The following DENND5B variants were observed in gnomAD, a reference collection of about 807,000 sequenced individuals.
DENND5B encodes the protein DENN domain containing 5B, also known as DENN domain-containing protein 5B.
A neutral mutation model predicts 140.6 loss-of-function variants in DENND5B; 34 were observed. The ratio of observed to expected loss-of-function variants is 0.24; its 90% confidence interval spans 0.18 to 0.32. The LOEUF (loss-of-function observed/expected upper bound fraction) is 0.32, where lower values mean the gene tolerates loss of function less well. Among genes scored for constraint, DENND5B ranks in the 10% least tolerant of loss-of-function variants. The pLI, the probability that DENND5B is intolerant of heterozygous loss-of-function variation, is 1.00. For synonymous variants in DENND5B, 551 were observed against 562.1 expected (o/e 0.98, Z 0.28); for missense variants, 1,142 against 1,560.2 (o/e 0.73, Z 4.52).
intron 3 of DENND5B, among the ~76,000 whole-genome samples, chr12:31,462,324 A>G (rs1945055192): frequency 7.7e-6 from 1 of 129,172 alleles, no homozygotes; most frequent in African/African-American, 2.9e-5. Flanking sequence ...TTTGAACTGT[A>G]GGCAATATGG....
chr12:31,500,395 C>T (rs1332078132), intron 1 of DENND5B: 4 of 453,610 alleles, frequency 8.8e-6, no homozygotes, highest in African/African-American at 6.0e-5. Context: ...AAAATTACAT[C>T]CTGGCTGGGC....
Position 31,452,276 on chromosome 12 carries a change from G to C in DENND5B, c.1293C>G (p.Asp431Glu). Residue 431 changes from aspartate to glutamate, a missense_variant, in exon 5 of 21, where the codon GAC becomes GAG. Asp to Glu is a conservative substitution (Grantham distance 45). Around this residue, in one of 5 missense-constraint regions of DENND5B, gnomAD observed 708 missense variants for 905.5 expected, o/e 0.78. Transcript: ENST00000389082. ...KNMVLKDLVN[D>E]KKNGNVCTNN... is the part of the protein sequence containing the mutation. ...TAGTACAGACATTGCCGTTCTTTTT[G>C]TCATTGACCAAGTCTTTCAGAACCA... The C allele has an allele frequency of 6.2e-7, 1 of 1,613,832 alleles. No homozygotes were observed. The highest frequency in any genetic ancestry group is 8.5e-7 in the Non-Finnish European group (1 of 1,179,880).
chr12:31,519,612 A>G (rs1947801725), intron 1 of DENND5B, among the ~76,000 whole-genome samples: 1 of 152,212 alleles, frequency 6.6e-6, no homozygotes, highest in Non-Finnish European at 1.5e-5. Context: ...CCTAAATGCC[A>G]CCAGATCTGT....
chr12:31,538,561 T>G (rs955445807), intron 1 of DENND5B, among the ~76,000 whole-genome samples: 1 of 151,958 alleles, frequency 6.6e-6, no homozygotes. Flanking sequence ...AACCCCAAAT[T>G]AGTAGAAGAA....
chr12:31,454,321 C>T (rs1442011380), intron 4 of DENND5B, among the ~76,000 whole-genome samples: 2 of 152,166 alleles, frequency 1.3e-5, no homozygotes, highest in East Asian at 1.9e-4. Context: ...CCTCAAACAG[C>T]CTGGTGGCTT....
intron 1 of DENND5B, among the ~76,000 whole-genome samples, chr12:31,512,700 T>C (rs1192820471): frequency 6.6e-6 from 1 of 152,188 alleles, no homozygotes; most frequent in Non-Finnish European, 1.5e-5. Flanking sequence ...CTAGATTTCA[T>C]GGTTATCTTC....
chr12:31,480,259 TGAAA>T lies in DENND5B; in HGVS notation c.238-8_238-5del. On this transcript the variant is annotated splice_region_variant and splice_polypyrimidine_tract_variant and intron_variant, in intron 2 of 20. Coordinates refer to ENST00000389082, the MANE Select transcript of DENND5B (RefSeq NM_144973.4). ...ATAGCCCTTTAGGCATGCACAACTG[TGAAA>T]GAAAGAAAAAAAAAAATCAGAATGC... 2.0e-6 allele frequency: 3 copies of T among 1,481,676 alleles called. No individual in the cohort carries two copies. Among genetic ancestry groups the T allele is most frequent in the Non-Finnish European group, 2.7e-6 (3 of 1,118,988 alleles). 91.8% of individuals were successfully genotyped at this position (1,481,676 alleles called of 1,614,324 possible).
chr12:31,436,962 GA>G (rs1361315176), intron 7 of DENND5B, among the ~76,000 whole-genome samples: 4 of 152,166 alleles, frequency 2.6e-5, no homozygotes, highest in Non-Finnish European at 5.9e-5. Context: ...ACTGCTTCCA[GA>G]AAGTGTTCTA....
intron 1 of DENND5B, among the ~76,000 whole-genome samples, chr12:31,576,181 G>A (rs868216951): frequency 1.3e-5 from 2 of 149,728 alleles, no homozygotes; most frequent in Non-Finnish European, 3.0e-5. Context: ...CGCGCGCACA[G>A]GGGCTCACAC....
chr12:31,578,944 C>A (rs1482542090), intron 1 of DENND5B, among the ~76,000 whole-genome samples: 5 of 152,168 alleles, frequency 3.3e-5, no homozygotes, highest in Non-Finnish European at 7.4e-5. Flanking sequence ...TATAAATCAC[C>A]AACCACAGTT....
chr12:31,493,684 A>G (rs1373257843), intron 2 of DENND5B, among the ~76,000 whole-genome samples: 1 of 151,968 alleles, frequency 6.6e-6, no homozygotes, highest in African/African-American at 2.4e-5. Context: ...ACAAAAGATT[A>G]GCTGGGCATA....
At chr12:31,494,864 T>C (rs1327066359) in intron 2 of DENND5B, among the ~76,000 whole-genome samples, 1 of 152,224 alleles carries the variant, frequency 6.6e-6, no homozygotes, top group Admixed American at 6.5e-5. Context: ...TAATGGGCTC[T>C]TGAGCTGCTT....
At chr12:31,475,689 C>T (rs1174682997) in intron 3 of DENND5B, among the ~76,000 whole-genome samples, 1 of 152,056 alleles carries the variant, frequency 6.6e-6, no homozygotes, top group Non-Finnish European at 1.5e-5. Flanking sequence ...TTTGAGGTTG[C>T]AGTGAGCTAC....
At chr12:31,466,639 G>A (rs1945280376) in intron 3 of DENND5B, among the ~76,000 whole-genome samples, 1 of 152,154 alleles carries the variant, frequency 6.6e-6, no homozygotes, top group Non-Finnish European at 1.5e-5. Context: ...GTTACAGTGA[G>A]CAGAGTTTGC....
At chr12:31,515,317 C>T (rs929584092) in intron 1 of DENND5B, among the ~76,000 whole-genome samples, 1 of 152,100 alleles carries the variant, frequency 6.6e-6, no homozygotes, top group African/African-American at 2.4e-5. Flanking sequence ...AATACATACA[C>T]ATACATTTTT....
chr12:31,531,789 A>C (rs1239704364), intron 1 of DENND5B, among the ~76,000 whole-genome samples: 2 of 152,212 alleles, frequency 1.3e-5, no homozygotes, highest in Non-Finnish European at 2.9e-5. Context: ...GCCCAGCAGA[A>C]ACTGAGCTTA....
chr12:31,390,320 AATTTAC>A (rs1485605418), intron 19 of DENND5B, among the ~76,000 whole-genome samples: 4 of 152,222 alleles, frequency 2.6e-5, no homozygotes, highest in Admixed American at 6.5e-5. Context: ...AAGAAAATGA[AATTTAC>A]ATTTACATTT....
intron 2 of DENND5B, among the ~76,000 whole-genome samples, chr12:31,485,316 C>G (rs4421825): frequency 0.011 from 1,723 of 152,278 alleles, 19 homozygotes; most frequent in East Asian, 0.031. Context: ...TCAAGCATCT[C>G]GACAATTTTT....
intron 1 of DENND5B, among the ~76,000 whole-genome samples, chr12:31,504,326 A>G (rs1373757099): frequency 2.6e-5 from 4 of 152,330 alleles, no homozygotes; most frequent in South Asian, 4.1e-4. Flanking sequence ...AATATAGCAC[A>G]AAAGTTCTGC....
Sources: allele counts gnomAD v4.1 joint callset (sites outside exome capture counted in the v4.1 genomes callset), GRCh38; gene constraint gnomAD v4.1.1; regional missense constraint gnomAD v4.1.1; transcripts MANE v1.5; gene names NCBI Gene and HGNC (gene_info 2026-07-23, HGNC 2026-07-21).